The following PABPN1 variants were observed in gnomAD, a reference collection of about 807,000 sequenced individuals.
PABPN1 encodes the protein poly(A) binding protein nuclear 1.
PABPN1 carries 5 observed loss-of-function variants against 33.4 expected under a neutral mutation model. The observed-to-expected ratio is 0.15, with a 90% CI of 0.08 to 0.32. The LOEUF (loss-of-function observed/expected upper bound fraction) is 0.32, where lower values mean the gene tolerates loss of function less well. Among genes scored for constraint, PABPN1 ranks in the 10% least tolerant of loss-of-function variants. The pLI is 1.00. For synonymous variants in PABPN1, 176 were observed against 170.6 expected (o/e 1.03, Z -0.25); for missense variants, 312 against 425.8 (o/e 0.73, Z 2.35).
chr14:23,322,661 C>T (rs905568950), intron 2 of PABPN1: 3 of 461,194 alleles, frequency 6.5e-6, no homozygotes, highest in East Asian at 4.2e-5. Context: ...AAGGGGTTTC[C>T]CCTTTAATCT....
intron 1 of PABPN1, 75 bp from the exon 2 acceptor site, chr14:23,322,106 C>T (rs956748732): frequency 1.4e-6 from 2 of 1,475,980 alleles, no homozygotes; most frequent in African/African-American, 1.4e-5. Context: ...AGGCCGCGCT[C>T]TGGCCGAGAG....
At chr14:23,322,898 T>C in intron 2 of PABPN1, 101 bp from the exon 3 acceptor site, 1 of 1,544,672 alleles carries the variant, frequency 6.5e-7, no homozygotes, top group African/African-American at 1.4e-5. Context: ...ATCTTTGCCT[T>C]CACTGAGCTT....
chr14:23,325,419 C>T lies in PABPN1; in HGVS notation c.*133C>T. ...AAATATTTTTTAAAAAAAAGATATACTGTGGAAGGGGGGAGAATCCCATAA... is the reference window on the plus strand; with the variant it reads ...AAATATTTTTTAAAAAAAAGATATATTGTGGAAGGGGGGAGAATCCCATAA... On this transcript the variant is annotated 3_prime_UTR_variant, in exon 7 of 7. Transcript: ENST00000216727. The T allele has an allele frequency of 8.4e-7, 1 of 1,197,130 alleles. No individual in the cohort carries two copies. The allele number at this position is 1,197,130 out of a possible 1,614,324, so 74.2% of individuals were successfully genotyped here. A position where few individuals can be genotyped will look rare whatever the true frequency, so the allele number is the denominator to read the frequency against.
chr14:23,324,337 C>T (rs747047071), intron 6 of PABPN1, 48 bp downstream of exon 6: 49 of 1,603,622 alleles, frequency 3.1e-5, no homozygotes, highest in Middle Eastern at 3.3e-4. Context: ...CCGTGAGCCC[C>T]GTATGCTTCC....
chr14:23,321,868 TCACTGGAGGCC>T, intron 1 of PABPN1, 48 bp downstream of exon 1: 1 of 1,287,598 alleles, frequency 7.8e-7, no homozygotes, highest in Non-Finnish European at 1.0e-6. Context: ...GCCGGCCGGG[TCACTGGAGGCC>T]CAGAGCTCGG....
At chr14:23,324,596 G>A in intron 6 of PABPN1, 2 of 558,158 alleles carry the variant, frequency 3.6e-6, no homozygotes, top group East Asian at 3.1e-5. Context: ...ACAAAACTGG[G>A]AGGAACAGGG....
chr14:23,325,333 G>GT lies in PABPN1; in HGVS notation c.*47_*48insT. ...GAGAGAGGAAAAAAAGAGGAAAGAA[G>GT]GAAAAAAAAAAGAATTAAAAAAAAA... On this transcript the variant is annotated 3_prime_UTR_variant, in exon 7 of 7. Transcript: ENST00000216727. 4 of 1,353,904 alleles carry GT rather than the reference G, an allele frequency of 3.0e-6. No homozygotes were observed. The highest frequency in any genetic ancestry group is 2.9e-6 in the Non-Finnish European group (3 of 1,018,962). The allele number at this position is 1,353,904 out of a possible 1,614,324, so 83.9% of individuals were successfully genotyped here. A position where few individuals can be genotyped will look rare whatever the true frequency, so the allele number is the denominator to read the frequency against.
Position 23,322,175 on chromosome 14 carries a change from T to C in PABPN1, c.352-6T>C, listed in dbSNP as rs752668208. 1.7e-5 allele frequency: 28 copies of C among 1,601,014 alleles called. No individual in the cohort carries two copies. Among genetic ancestry groups the C allele is most frequent in the Admixed American group, 6.9e-5 (4 of 58,018 alleles). On this transcript the variant is annotated splice_region_variant and splice_polypyrimidine_tract_variant and intron_variant, in intron 1 of 6. Transcript: ENST00000216727. ...CTGTCCTCCATACCCTCCCCACTTA[T>C]ATTAGGAGCTGGAAGCTATCAAAGC...
At position 23,321,632 on chromosome 14, in the gene PABPN1, C is replaced by G; in HGVS notation, c.163C>G (p.Leu55Val). 1 of 1,516,992 alleles carries G rather than the reference C, an allele frequency of 6.6e-7. No individual in the cohort carries two copies. Among genetic ancestry groups the G allele is most frequent in the Non-Finnish European group, 8.9e-7 (1 of 1,121,120 alleles). The allele number at this position is 1,516,992 out of a possible 1,614,324, so 94.0% of individuals were successfully genotyped here. A position where few individuals can be genotyped will look rare whatever the true frequency, so the allele number is the denominator to read the frequency against. Residue 55 changes from leucine (L) to valine (V), a missense_variant, in exon 1 of 7, where the codon CTG (leucine) becomes GTG (valine). Physicochemically the swap from Leu to Val is conservative, Grantham distance 32. Around this residue, in one of 3 missense-constraint regions of PABPN1, gnomAD observed 167 missense variants for 168.9 expected, o/e 0.99. Coordinates refer to ENST00000216727, the MANE Select transcript of PABPN1 (RefSeq NM_004643.4). Reference sequence around the variant, plus strand: ...CGGGAACGGCCTGGAGTCTGAGGAACTGGAGCCTGAGGAGCTGCTGCTGGA... The same window carrying G: ...CGGGAACGGCCTGGAGTCTGAGGAAGTGGAGCCTGAGGAGCTGCTGCTGGA... ...DYGNGLESEELEPEELLLEPE... is the reference protein window; with the variant it reads ...DYGNGLESEEVEPEELLLEPE...
rs1271826186 is a variant in PABPN1, at chr14:23,322,285, T to A, written c.456T>A (p.Pro152=). The A allele has an allele frequency of 3.1e-6, 5 of 1,602,038 alleles. No individual in the cohort carries two copies. The highest frequency in any genetic ancestry group is 3.4e-5 in the Admixed American group (2 of 58,150). ...EVEKQMNMSP[P]PGNAGPVIMS... ...AGAAGCAGATGAATATGAGTCCACC[T>A]CCAGGCAATGGTGAGTAACTGGCGG... The change falls in exon 2 of 7, where the codon CCT becomes CCA. Residue 152 remains proline, a synonymous_variant. Coordinates refer to ENST00000216727, the MANE Select transcript of PABPN1 (RefSeq NM_004643.4).
rs1011358370 is a variant in PABPN1 at position 23,325,430 on chromosome 14, G to A, written c.*144G>A. 4 of 1,138,010 alleles carry A rather than the reference G, an allele frequency of 3.5e-6. No homozygotes were observed. Among genetic ancestry groups the A allele is most frequent in the Admixed American group, 5.6e-5 (2 of 35,532 alleles). 70.5% of individuals were successfully genotyped at this position (1,138,010 alleles called of 1,614,324 possible). A position where few individuals can be genotyped will look rare whatever the true frequency, so the allele number is the denominator to read the frequency against. ...AAAAAAAAGATATACTGTGGAAGGG[G>A]GGAGAATCCCATAACTAACTGCTGA... On this transcript the variant is annotated 3_prime_UTR_variant, in exon 7 of 7. Coordinates refer to ENST00000216727, the MANE Select transcript of PABPN1 (RefSeq NM_004643.4).
In PABPN1 at chr14:23,323,076, G is replaced by A. The variant is rs762300348; in HGVS notation, c.534+10G>A. 7 of 1,614,086 alleles carry A rather than the reference G, an allele frequency of 4.3e-6. No individual in the cohort carries two copies. The African/African-American group carries it at 6.7e-5, about 15-fold the overall frequency. On this transcript the variant is annotated intron_variant, in intron 3 of 6. Coordinates refer to ENST00000216727, the MANE Select transcript of PABPN1 (RefSeq NM_004643.4). Reference sequence around the variant, plus strand: ...CATCTATGTTGGCAATGTACGTACTGGGGCTCTGACTGGGGTTGGGGGCAA... The same window carrying A: ...CATCTATGTTGGCAATGTACGTACTAGGGCTCTGACTGGGGTTGGGGGCAA...
At chr14:23,321,860 C>G (rs1003563002) in intron 1 of PABPN1, 40 bp downstream of exon 1, 41 of 1,279,744 alleles carry the variant, frequency 3.2e-5, no homozygotes, top group Admixed American at 1.7e-4. Flanking sequence ...GGCGGCTGGC[C>G]GGCCGGGTCA....
At chr14:23,325,173 G>A in intron 6 of PABPN1, 74 bp from the exon 7 acceptor site, 1 of 1,599,876 alleles carries the variant, frequency 6.3e-7, no homozygotes, top group South Asian at 1.1e-5. Context: ...ACTGGGGCAG[G>A]GGCCTACGGG....
At chr14:23,323,842 G>T in intron 4 of PABPN1, 123 bp from the exon 5 acceptor site, 1 of 1,005,728 alleles carries the variant, frequency 9.9e-7, no homozygotes. Flanking sequence ...TTTCCATTTA[G>T]AAGAATTTTG....
Position 23,324,272 on chromosome 14 carries a change from C to T in PABPN1, c.864C>T (p.Pro288=), listed in dbSNP as rs1186146624. 1.2e-6 allele frequency: 2 copies of T among 1,613,348 alleles called. No individual in the cohort carries two copies. Among genetic ancestry groups the T allele is most frequent in the Admixed American group, 1.7e-5 (1 of 60,014 alleles). ...TCTACAGTGGTTTTAACAGCAGGCC[C>T]CGGGGTCGCGTCTACAGGTCAGGAT... ...SRFYSGFNSR[P]RGRVYRGRAR... Residue 288 remains proline, a synonymous_variant, in exon 6 of 7, where the codon CCC becomes CCT. Transcript: ENST00000216727.
chr14:23,324,323 CCTCCCGTGAGCCCCGTA>C, intron 6 of PABPN1, 34 bp downstream of exon 6: 1 of 1,606,600 alleles, frequency 6.2e-7, no homozygotes, highest in Non-Finnish European at 8.5e-7. Context: ...CTTTCCCCCG[CCTCCCGTGAGCCCCGTA>C]TGCTTCCTCC....
At position 23,322,168 on chromosome 14, in the gene PABPN1, C is replaced by A. The variant is rs759304325; in HGVS notation, c.352-13C>A. Reference sequence around the variant, plus strand: ...TCTTAAGCTGTCCTCCATACCCTCCCCACTTATATTAGGAGCTGGAAGCTA... The same window carrying A: ...TCTTAAGCTGTCCTCCATACCCTCCACACTTATATTAGGAGCTGGAAGCTA... On this transcript the variant is annotated splice_polypyrimidine_tract_variant and intron_variant, in intron 1 of 6. Transcript: ENST00000216727. 6.3e-7 allele frequency: 1 copy of A among 1,596,680 alleles called. No individual in the cohort carries two copies. Among genetic ancestry groups the A allele is most frequent in the East Asian group, 2.3e-5 (1 of 44,242 alleles).
chr14:23,322,188 A>G lies in PABPN1; in HGVS notation c.359A>G (p.Glu120Gly). ...CCTCCCCACTTATATTAGGAGCTGG[A>G]AGCTATCAAAGCTCGAGTCAGGGAG... The part of the protein sequence containing the change: ...GDGAIEDPEL[E>G]AIKARVREME... Residue 120 changes from glutamate (E) to glycine (G), a missense_variant, in exon 2 of 7, where the codon GAA (glutamate) becomes GGA (glycine). This residue lies in a region of PABPN1 where 77 missense variants were observed against 185.7 expected (regional missense o/e 0.41). Coordinates refer to ENST00000216727, the MANE Select transcript of PABPN1 (RefSeq NM_004643.4). 1 of 1,606,830 alleles carries G rather than the reference A, an allele frequency of 6.2e-7. No homozygotes were observed. Among genetic ancestry groups the G allele is most frequent in the Non-Finnish European group, 8.5e-7 (1 of 1,176,646 alleles).
Sources: gnomAD v4.1 joint callset for allele counts on GRCh38, gnomAD v4.1.1 for gene constraint, gnomAD v4.1.1 regional missense constraint, MANE v1.5 for transcripts, NCBI Gene and HGNC (gene_info 2026-07-23, HGNC 2026-07-21) for gene names.